The following PPP1R12A variants were observed in gnomAD, a reference collection of about 807,000 sequenced individuals.
The protein encoded by PPP1R12A is protein phosphatase 1 regulatory subunit 12A, also known as myosin binding subunit.
PPP1R12A carries 19 observed loss-of-function variants against 139.6 expected under a neutral mutation model. The ratio of observed to expected loss-of-function variants is 0.14; its 90% CI spans 0.09 to 0.20. The LOEUF (loss-of-function observed/expected upper bound fraction) is 0.20. Ranked by LOEUF, PPP1R12A falls within the 10% of genes least tolerant of loss-of-function variation. The pLI, the probability that PPP1R12A is intolerant of heterozygous loss-of-function variation, is 1.00. For missense variants in PPP1R12A, 925 were observed against 1,211.5 expected (o/e 0.76, Z 3.51); for synonymous variants, 427 against 420.6 (o/e 1.02, Z -0.19).
chr12:79,858,621 G>T (rs1390875195), intron 2 of PPP1R12A, among the ~76,000 whole-genome samples: 2 of 152,122 alleles, frequency 1.3e-5, no homozygotes, highest in Non-Finnish European at 2.9e-5. Context: ...TTTCTTGCTG[G>T]GGGGAGGTGA....
chr12:79,798,688 A>G (rs970383638), intron 14 of PPP1R12A, 104 bp from the exon 15 acceptor site: 21 of 523,900 alleles, frequency 4.0e-5, no homozygotes, highest in Admixed American at 3.5e-4. Flanking sequence ...ATATCTTAGT[A>G]AGTTTTAAGG....
At chr12:79,795,594 C>G in intron 18 of PPP1R12A, 44 bp downstream of exon 18, 1 of 1,555,122 alleles carries the variant, frequency 6.4e-7, no homozygotes, top group South Asian at 1.2e-5. Context: ...ATTAAGAATA[C>G]TATCAAGAAT....
intron 2 of PPP1R12A, among the ~76,000 whole-genome samples, chr12:79,869,415 A>G (rs1882323977): frequency 1.3e-5 from 2 of 152,338 alleles, no homozygotes; most frequent in African/African-American, 4.8e-5. Context: ...ATGAATTACT[A>G]CTATTCAGTG....
chr12:79,870,828 G>A (rs1882492017), intron 2 of PPP1R12A, among the ~76,000 whole-genome samples: 1 of 152,146 alleles, frequency 6.6e-6, no homozygotes, highest in African/African-American at 2.4e-5. Flanking sequence ...AGCTGAATAT[G>A]CCAAGATATT....
intron 2 of PPP1R12A, among the ~76,000 whole-genome samples, chr12:79,868,852 T>C (rs186857106): frequency 6.6e-6 from 1 of 152,210 alleles, no homozygotes; most frequent in Non-Finnish European, 1.5e-5. Flanking sequence ...AAAAGAATGA[T>C]GTTAATGCAT....
chr12:79,935,404 C>T (rs560764488), upstream of PPP1R12A: 8 of 992,220 alleles, frequency 8.1e-6, 1 homozygote, highest in African/African-American at 6.9e-5. Context: ...CTGGGGGCTC[C>T]CGGGAATCCG....
At chr12:79,935,247 G>C (rs2136993279), upstream of PPP1R12A, 1 of 1,168,262 alleles carries the variant, frequency 8.6e-7, no homozygotes, top group East Asian at 4.5e-5. Flanking sequence ...CATGCGCCCT[G>C]GGCCTGTGCC....
At chr12:79,888,603 A>C (rs1359003266) in intron 1 of PPP1R12A, among the ~76,000 whole-genome samples, 1 of 152,200 alleles carries the variant, frequency 6.6e-6, no homozygotes, top group Non-Finnish European at 1.5e-5. Context: ...CCTAGTAAAA[A>C]TGGCAGAGTG....
intron 1 of PPP1R12A, among the ~76,000 whole-genome samples, chr12:79,875,532 A>G (rs1883015235): frequency 2.0e-5 from 3 of 152,224 alleles, no homozygotes; most frequent in Admixed American, 1.3e-4. Flanking sequence ...AACAACTAAT[A>G]CACAACTAGG....
intron 2 of PPP1R12A, among the ~76,000 whole-genome samples, chr12:79,857,125 A>G (rs543781322): frequency 6.6e-6 from 1 of 152,332 alleles, no homozygotes; most frequent in South Asian, 2.1e-4. Context: ...ATAAAGACAC[A>G]TGCACACGTA....
intron 1 of PPP1R12A, among the ~76,000 whole-genome samples, chr12:79,888,355 G>A (rs993675709): frequency 6.6e-6 from 1 of 152,094 alleles, no homozygotes; most frequent in African/African-American, 2.4e-5. Context: ...ACATTAGATT[G>A]TGAACCACTG....
upstream of PPP1R12A, chr12:79,935,160 A>G: frequency 7.5e-7 from 1 of 1,342,044 alleles, no homozygotes; most frequent in African/African-American, 1.5e-5. Flanking sequence ...CGCCCCCAGC[A>G]CGGCCACCCG....
At chr12:79,851,987 C>A (rs1880093821) in intron 2 of PPP1R12A, among the ~76,000 whole-genome samples, 1 of 152,000 alleles carries the variant, frequency 6.6e-6, no homozygotes, top group Non-Finnish European at 1.5e-5. Context: ...CTATTTATTT[C>A]TTTGCTAAGA....
chr12:79,892,885 CTT>C, intron 1 of PPP1R12A, among the ~76,000 whole-genome samples: 1 of 152,266 alleles, frequency 6.6e-6, no homozygotes, highest in African/African-American at 2.4e-5. Flanking sequence ...GGGCGGATCA[CTT>C]GAGGTTAAGA....
intron 3 of PPP1R12A, among the ~76,000 whole-genome samples, chr12:79,839,557 G>A (rs1009484495): frequency 5.9e-5 from 9 of 152,282 alleles, no homozygotes; most frequent in Middle Eastern, 3.4e-3. Flanking sequence ...GACTCCGTGT[G>A]AGGTAACTGA....
At chr12:79,894,970 T>G (rs1482975472) in intron 1 of PPP1R12A, among the ~76,000 whole-genome samples, 1 of 152,228 alleles carries the variant, frequency 6.6e-6, no homozygotes, top group Non-Finnish European at 1.5e-5. Flanking sequence ...CCAAAATTTT[T>G]TTTAAAGAGC....
chr12:79,789,778 CTTTTTT>C (rs5799442), intron 20 of PPP1R12A: 3 of 315,268 alleles, frequency 9.5e-6, no homozygotes, highest in Non-Finnish European at 1.2e-5. Context: ...TTAGGTGACA[CTTTTTT>C]TTTTTTTTTT....
intron 1 of PPP1R12A, among the ~76,000 whole-genome samples, chr12:79,896,865 T>TA: frequency 6.6e-6 from 1 of 152,310 alleles, no homozygotes; most frequent in Non-Finnish European, 1.5e-5. Context: ...AAAATAGTAA[T>TA]TCATCTTGTT....
intron 19 of PPP1R12A, among the ~76,000 whole-genome samples, chr12:79,791,390 T>C (rs148227465): frequency 6.6e-6 from 1 of 152,308 alleles, no homozygotes; most frequent in Non-Finnish European, 1.5e-5. Context: ...TGCAGTGATA[T>C]GATCACAGCT....
Sources: gnomAD v4.1 joint callset for allele counts (sites outside exome capture counted in the v4.1 genomes callset) on GRCh38, gnomAD v4.1.1 for gene constraint, MANE v1.5 for transcripts, NCBI Gene and HGNC (gene_info 2026-07-23, HGNC 2026-07-21) for gene names.